The following CAAP1 variants were observed in gnomAD, a reference collection of about 807,000 sequenced individuals.
The protein encoded by CAAP1 is caspase activity and apoptosis inhibitor 1.
A neutral mutation model predicts 34.0 loss-of-function variants in CAAP1; 20 were observed. That is an observed-to-expected ratio of 0.59 (90% CI 0.41 to 0.86). The LOEUF (loss-of-function observed/expected upper bound fraction) is 0.86, where lower values mean the gene tolerates loss of function less well. Ranked by LOEUF, CAAP1 falls within the 40% of genes least tolerant of loss-of-function variation. The pLI is 0.00. For missense variants in CAAP1, 538 were observed against 450.5 expected (o/e 1.19, Z -1.76); for synonymous variants, 213 against 166.7 (o/e 1.28, Z -2.14).
At position 26,892,727 on chromosome 9, in the gene CAAP1, T is replaced by G; in HGVS notation, c.-12A>C. The G allele has an allele frequency of 6.4e-7, 1 of 1,571,872 alleles. No individual in the cohort carries two copies. The highest frequency in any genetic ancestry group is 8.6e-7 in the Non-Finnish European group (1 of 1,163,408). Reference sequence around the variant, plus strand: ...TTTTTCCCCGTCATGATCCCTCTGCTGCAACCATCGGAGGAAAGTCCGCTG... The same window carrying G: ...TTTTTCCCCGTCATGATCCCTCTGCGGCAACCATCGGAGGAAAGTCCGCTG... On this transcript the variant is annotated 5_prime_UTR_variant, in exon 1 of 6. Coordinates refer to ENST00000333916, the MANE Select transcript of CAAP1 (RefSeq NM_024828.4).
chr9:26,890,074 C>T (rs1258844174), intron 1 of CAAP1, among the ~76,000 whole-genome samples: 2 of 151,766 alleles, frequency 1.3e-5, no homozygotes, highest in Non-Finnish European at 1.5e-5. Flanking sequence ...CCCATCATAA[C>T]GGAGTGGGAA....
chr9:26,857,618 CA>C (rs941787444), intron 5 of CAAP1, among the ~76,000 whole-genome samples: 18 of 151,096 alleles, frequency 1.2e-4, no homozygotes, highest in African/African-American at 3.6e-4. Context: ...GGTGACAGAG[CA>C]AAAAAACAAA....
intron 4 of CAAP1, among the ~76,000 whole-genome samples, chr9:26,867,915 T>C (rs572112886): frequency 1.3e-5 from 2 of 152,298 alleles, no homozygotes; most frequent in Admixed American, 6.5e-5. Context: ...CAAGGGTCCT[T>C]GACACAAAAA....
intron 4 of CAAP1, chr9:26,880,247 C>T: frequency 7.2e-6 from 3 of 415,190 alleles, no homozygotes; most frequent in South Asian, 5.3e-5. Flanking sequence ...AAAGGACAAC[C>T]AGATAGGCCT....
At position 26,892,699 on chromosome 9, in the gene CAAP1, G is replaced by C; in HGVS notation, c.17C>G (p.Ser6Cys). 2 of 1,599,056 alleles carry C rather than the reference G, an allele frequency of 1.3e-6. No individual in the cohort carries two copies. The highest frequency in any genetic ancestry group is 2.2e-5 in the South Asian group (2 of 90,584). MTGKKSSREKRRKRSS... is the reference protein window; with the variant it reads MTGKKCSREKRRKRSS... ...ACGTTTGCGCCGTTTCTCCCGGGAG[G>C]ACTTTTTCCCCGTCATGATCCCTCT... Residue 6 changes from serine to cysteine, a missense_variant, in exon 1 of 6, where the codon TCC (serine) becomes TGC (cysteine). Ser to Cys is a moderately radical substitution (Grantham distance 112, BLOSUM62 -1). Around this residue, in one of 3 missense-constraint regions of CAAP1, gnomAD observed 514 missense variants for 408.4 expected, o/e 1.26. Coordinates refer to ENST00000333916, the MANE Select transcript of CAAP1 (RefSeq NM_024828.4).
chr9:26,870,130 G>A (rs192082530), intron 4 of CAAP1, among the ~76,000 whole-genome samples: 1 of 149,474 alleles, frequency 6.7e-6, no homozygotes, highest in Admixed American at 6.7e-5. Flanking sequence ...CAGGGAAACC[G>A]TTGCCAAGCA....
At chr9:26,847,456 C>T (rs538868634) in intron 5 of CAAP1, among the ~76,000 whole-genome samples, 49 of 151,258 alleles carry the variant, frequency 3.2e-4, no homozygotes, top group African/African-American at 1.1e-3. Flanking sequence ...CCTCGTGATC[C>T]GCCCGTCTCG....
chr9:26,878,128 G>T (rs1187285198), intron 4 of CAAP1, among the ~76,000 whole-genome samples: 1 of 152,052 alleles, frequency 6.6e-6, no homozygotes, highest in Non-Finnish European at 1.5e-5. Context: ...TTAACTTACA[G>T]AATTTAGTTT....
At chr9:26,860,558 C>T (rs562666506) in intron 5 of CAAP1, among the ~76,000 whole-genome samples, 5 of 152,154 alleles carry the variant, frequency 3.3e-5, no homozygotes, top group South Asian at 2.1e-4. Context: ...TTTGGGTGGC[C>T]GAGGCGGGTG....
intron 5 of CAAP1, among the ~76,000 whole-genome samples, chr9:26,860,171 T>C (rs1822970571): frequency 6.6e-6 from 1 of 152,202 alleles, no homozygotes; most frequent in Non-Finnish European, 1.5e-5. Flanking sequence ...AAATGTGAGC[T>C]GGCATTTGAG....
In CAAP1 at chr9:26,892,751, T is replaced by C; in HGVS notation, c.-36A>G. 6.5e-7 allele frequency: 1 copy of C among 1,537,286 alleles called. No homozygotes were observed. The highest frequency in any genetic ancestry group is 8.7e-7 in the Non-Finnish European group (1 of 1,146,838). On this transcript the variant is annotated 5_prime_UTR_variant, in exon 1 of 6. Transcript: ENST00000333916. The stretch of plus-strand genomic sequence containing the variant: ...CTGCAACCATCGGAGGAAAGTCCGC[T>C]GTCTCTGGTGCGACCGAAGCCCGAC...
intron 4 of CAAP1, among the ~76,000 whole-genome samples, chr9:26,867,476 T>G (rs1201797722): frequency 6.6e-6 from 1 of 152,152 alleles, no homozygotes; most frequent in South Asian, 2.1e-4. Context: ...GTAGTCCCTT[T>G]TGCTATAAAA....
intron 4 of CAAP1, among the ~76,000 whole-genome samples, 169 bp from the exon 5 acceptor site, chr9:26,861,308 G>A (rs1203362628): frequency 6.6e-6 from 1 of 152,184 alleles, no homozygotes; most frequent in African/African-American, 2.4e-5. Context: ...GTATTCAAGT[G>A]TCAGAAGCAG....
At chr9:26,880,328 T>G (rs1338056679) in intron 4 of CAAP1, 1 of 321,966 alleles carries the variant, frequency 3.1e-6, no homozygotes, top group Non-Finnish European at 6.1e-6. Context: ...CCTGAGCAAT[T>G]TCTCAAGCCA....
In CAAP1 at chr9:26,851,223, A is replaced by C. The variant is rs114488590; in HGVS notation, c.740-8576T>G. ...GCAATACAAAATATAACAGAATTTCAGAATATACAAGGCAACAGGCAAAAA... is the reference window on the plus strand; with the variant it reads ...GCAATACAAAATATAACAGAATTTCCGAATATACAAGGCAACAGGCAAAAA... On this transcript the variant is annotated intron_variant, in intron 5 of 5. Coordinates refer to ENST00000333916, the MANE Select transcript of CAAP1 (RefSeq NM_024828.4). Among the ~76,000 whole-genome samples, 1,469 of 152,364 alleles carry C rather than the reference A, an allele frequency of 9.6e-3. 25 individuals carry two copies. The highest frequency in any genetic ancestry group is 0.034 in the African/African-American group (1,397 of 41,574).
At chr9:26,851,683 A>G (rs899598312) in intron 5 of CAAP1, among the ~76,000 whole-genome samples, 11 of 152,250 alleles carry the variant, frequency 7.2e-5, no homozygotes, top group Admixed American at 3.3e-4. Context: ...ACCACTGATT[A>G]AACAGGGTTC....
chr9:26,889,409 ACT>A (rs1420276852), intron 1 of CAAP1, among the ~76,000 whole-genome samples: 2 of 151,026 alleles, frequency 1.3e-5, no homozygotes, highest in African/African-American at 2.4e-5. Context: ...CAAGAGGGAA[ACT>A]CTATCTCAAA....
intron 4 of CAAP1, among the ~76,000 whole-genome samples, chr9:26,884,429 T>C (rs1823676822): frequency 6.6e-6 from 1 of 152,158 alleles, no homozygotes; most frequent in Admixed American, 6.5e-5. Flanking sequence ...AATAAATACA[T>C]AGATTATTGT....
At position 26,892,691 on chromosome 9, in the gene CAAP1, C is replaced by T. The variant is rs1823943710; in HGVS notation, c.25G>A (p.Glu9Lys). 3 of 1,600,968 alleles carry T rather than the reference C, an allele frequency of 1.9e-6. No individual in the cohort carries two copies. The highest frequency in any genetic ancestry group is 1.7e-5 in the Admixed American group (1 of 59,466). The change falls in exon 1 of 6, where the codon GAG becomes AAG. Residue 9 changes from glutamate to lysine, a missense_variant. Glu to Lys is a moderately conservative substitution (Grantham distance 56, BLOSUM62 1). This residue lies in a region of CAAP1 where 514 missense variants were observed against 408.4 expected (regional missense o/e 1.26). Coordinates refer to ENST00000333916, the MANE Select transcript of CAAP1 (RefSeq NM_024828.4). Reference sequence around the variant, plus strand: ...TGACTGCTACGTTTGCGCCGTTTCTCCCGGGAGGACTTTTTCCCCGTCATG... The same window carrying T: ...TGACTGCTACGTTTGCGCCGTTTCTTCCGGGAGGACTTTTTCCCCGTCATG... The part of the protein sequence containing the change: MTGKKSSR[E>K]KRRKRSSQEA...
Sources: allele counts gnomAD v4.1 joint callset (sites outside exome capture counted in the v4.1 genomes callset), GRCh38; gene constraint gnomAD v4.1.1; regional missense constraint gnomAD v4.1.1; transcripts MANE v1.5; gene names NCBI Gene and HGNC (gene_info 2026-07-23, HGNC 2026-07-21).